The following CENPF variants were observed in gnomAD, a reference collection of about 807,000 sequenced individuals.
The protein encoded by CENPF is centromere protein F.
A neutral mutation model predicts 307.3 loss-of-function variants in CENPF; 214 were observed. That is an observed-to-expected ratio of 0.70 (90% confidence interval 0.62 to 0.78). CENPF has a LOEUF of 0.78. Ranked by LOEUF, CENPF falls within the 30% of genes least tolerant of loss-of-function variation. CENPF has a pLI of 0.00. For synonymous variants in CENPF, 1,259 were observed against 1,270.6 expected (o/e 0.99, Z 0.19); for missense variants, 3,401 against 3,483.9 (o/e 0.98, Z 0.60).
chr1:214,628,905 A>G (rs775891406), intron 7 of CENPF, 141 bp from the exon 8 acceptor site: 6 of 563,244 alleles, frequency 1.1e-5, no homozygotes, highest in African/African-American at 2.0e-5. Context: ...TAAGTGGGCT[A>G]ATGCTTTACA....
chr1:214,636,588 T>A (rs917723328), intron 10 of CENPF, among the ~76,000 whole-genome samples: 4 of 152,188 alleles, frequency 2.6e-5, no homozygotes, highest in African/African-American at 9.7e-5. Context: ...AGCCAGATTC[T>A]CCCTCTTCTT....
chr1:214,608,307 C>T lies in CENPF; in HGVS notation c.-42+4986C>T, dbSNP rs573533537. ...CCAGGCTGAGCTGCCCCCAGGGTTG[C>T]CCTCACCTGGTGCGCAGGGCCTGCC... On this transcript the variant is annotated intron_variant, in intron 1 of 19. Coordinates refer to ENST00000366955, the MANE Select transcript of CENPF (RefSeq NM_016343.4). 3.2e-6 allele frequency: 5 copies of T among 1,584,538 alleles called. No homozygotes were observed. In the East Asian group the frequency reaches 9.1e-5, roughly 29 times the overall value.
chr1:214,629,866 T>A (rs373094750), intron 8 of CENPF, among the ~76,000 whole-genome samples: 2 of 152,196 alleles, frequency 1.3e-5, no homozygotes, highest in Non-Finnish European at 2.9e-5. Context: ...CCAGTTGTTT[T>A]TAAACCTGTG....
At chr1:214,623,851 G>GTAATATAGA (rs1392994715) in intron 7 of CENPF, among the ~76,000 whole-genome samples, 1 of 152,102 alleles carries the variant, frequency 6.6e-6, no homozygotes, top group Non-Finnish European at 1.5e-5. Flanking sequence ...AGATAGTATG[G>GTAATATAGA]TATATGGTAA....
chr1:214,648,432 C>T, intron 13 of CENPF: 1 of 657,058 alleles, frequency 1.5e-6, no homozygotes, highest in Non-Finnish European at 2.8e-6. Context: ...GGGATATTAT[C>T]TTTCCTTGTC....
At position 214,639,956 on chromosome 1, in the gene CENPF, C is replaced by G. The variant is rs747618348; in HGVS notation, c.1618C>G (p.Leu540Val). 3.8e-5 allele frequency: 59 copies of G among 1,559,090 alleles called. No homozygotes were observed. The highest frequency in any genetic ancestry group is 5.1e-5 in the Non-Finnish European group (59 of 1,162,672). Reference protein sequence around the residue: ...NTSQETMLRDLQEKINQQENS... With the variant: ...NTSQETMLRDVQEKINQQENS... The stretch of plus-strand genomic sequence containing the variant: ...CTCTCAGGAAACCATGTTAAGAGAT[C>G]TTCAAGAAAAAATAAATCAGCAAGA... Residue 540 changes from leucine to valine, a missense_variant, in exon 12 of 20, where the codon CTT (leucine) becomes GTT (valine). By Grantham distance (32) the Leu-to-Val change is conservative (BLOSUM62 1). Transcript: ENST00000366955.
At chr1:214,661,110 C>T (rs1658776947) in intron 19 of CENPF, among the ~76,000 whole-genome samples, 1 of 152,230 alleles carries the variant, frequency 6.6e-6, no homozygotes, top group Non-Finnish European at 1.5e-5. Context: ...GCTCTCCTCA[C>T]TGCTGTTGAA....
At chr1:214,663,417 T>G (rs1217734673) in intron 19 of CENPF, among the ~76,000 whole-genome samples, 174 bp from the exon 20 acceptor site, 3 of 152,172 alleles carry the variant, frequency 2.0e-5, no homozygotes, top group Non-Finnish European at 4.4e-5. Context: ...CCTGGTATCC[T>G]CCTAAGTTCT....
At chr1:214,603,524 G>T (rs1325804546) in intron 1 of CENPF, 1 of 152,244 alleles carries the variant, frequency 6.6e-6, no homozygotes, top group Non-Finnish European at 1.5e-5. Context: ...GGTTCGTAGG[G>T]GTGTCTGCGC....
intron 16 of CENPF, chr1:214,653,812 ATAAT>A (rs1658555517): frequency 6.6e-6 from 1 of 152,224 alleles, no homozygotes; most frequent in Admixed American, 6.5e-5. Context: ...CAAAATCACA[ATAAT>A]TAATAATGTT....
chr1:214,656,992 A>G lies in CENPF; in HGVS notation c.8545A>G (p.Thr2849Ala), dbSNP rs1484372878. The G allele has an allele frequency of 6.2e-7, 1 of 1,613,604 alleles. No homozygotes were observed. Among genetic ancestry groups the G allele is most frequent in the Non-Finnish European group, 8.5e-7 (1 of 1,179,926 alleles). ...AACTGAGATCAAAGAACTGAAAGAA[A>G]CTCTTGAAGAAAAAACCAAGGAGGC... ...LTTEIKELKE[T>A]LEEKTKEADE... The change falls in exon 18 of 20, where the codon ACT (threonine) becomes GCT (alanine). Residue 2849 changes from threonine (T) to alanine (A), a missense_variant. By Grantham distance (58) the Thr-to-Ala change is moderately conservative. Transcript: ENST00000366955.
chr1:214,641,267 G>T lies in CENPF; in HGVS notation c.2929G>T (p.Gly977Trp). 6.2e-7 allele frequency: 1 copy of T among 1,602,294 alleles called. No individual in the cohort carries two copies. The highest frequency in any genetic ancestry group is 1.1e-5 in the South Asian group (1 of 87,864). Residue 977 changes from glycine to tryptophan, a missense_variant, in exon 12 of 20, where the codon GGG becomes TGG. Coordinates refer to ENST00000366955, the MANE Select transcript of CENPF (RefSeq NM_016343.4). The part of the protein sequence containing the change: ...REIEELTQEN[G>W]TLKEINASLN... ...AATTGAAGAGCTGACCCAAGAGAAT[G>T]GGACTCTTAAGGAAATTAATGCATC...
chr1:214,655,462 A>G lies in CENPF; in HGVS notation c.8485+59A>G, dbSNP rs998762758. On this transcript the variant is annotated intron_variant, in intron 17 of 19. Transcript: ENST00000366955. ...AACTCTTTTCCAGTAGTGAAATAAC[A>G]TATGGTATGCGTGCATAGGAACTAT... is the stretch of plus-strand genomic sequence containing the variant. 42 of 1,443,530 alleles carry G rather than the reference A, an allele frequency of 2.9e-5. No individual in the cohort carries two copies. Among genetic ancestry groups the G allele is most frequent in the Non-Finnish European group, 3.7e-5 (40 of 1,076,242 alleles). The allele number at this position is 1,443,530 out of a possible 1,614,324, so 89.4% of individuals were successfully genotyped here.
At chr1:214,628,001 A>G (rs1201892451) in intron 7 of CENPF, among the ~76,000 whole-genome samples, 3 of 152,186 alleles carry the variant, frequency 2.0e-5, no homozygotes, top group Admixed American at 6.5e-5. Context: ...TCATGGAGAA[A>G]CAGAGTGTTG....
rs757898970 is a variant in CENPF at position 214,641,487 on chromosome 1, A to G, written c.3149A>G (p.Asn1050Ser). 2.6e-6 allele frequency: 4 copies of G among 1,525,818 alleles called. No individual in the cohort carries two copies. The highest frequency in any genetic ancestry group is 3.5e-6 in the Non-Finnish European group (4 of 1,144,486). The allele number at this position is 1,525,818 out of a possible 1,614,324, so 94.5% of individuals were successfully genotyped here. A position where few individuals can be genotyped will look rare whatever the true frequency, so the allele number is the denominator to read the frequency against. The change falls in exon 12 of 20, where the codon AAT (asparagine) becomes AGT (serine). Residue 1050 changes from asparagine to serine, a missense_variant. Asn to Ser is a conservative substitution (Grantham distance 46, BLOSUM62 1). Coordinates refer to ENST00000366955, the MANE Select transcript of CENPF (RefSeq NM_016343.4). Reference protein sequence around the residue: ...SQKYKAAQEKNSKLECLLNEC... With the variant: ...SQKYKAAQEKSSKLECLLNEC... The stretch of plus-strand genomic sequence containing the variant: ...AAATACAAAGCAGCACAGGAAAAGA[A>G]TTCTAAATTAGAATGCTTGCTAAAT...
In CENPF at chr1:214,640,230, C is replaced by T. The variant is rs2102557805; in HGVS notation, c.1892C>T (p.Thr631Ile). The change falls in exon 12 of 20, where the codon ACT (threonine) becomes ATT (isoleucine). Residue 631 changes from threonine to isoleucine, a missense_variant. Physicochemically the swap from Thr to Ile is moderately conservative, Grantham distance 89. Transcript: ENST00000366955. ...AAAAGTGAAAACGAAAAACTTTTAA[C>T]TCAGATGGAATCAGAAAAGGAAAAC... The part of the protein sequence containing the change: ...CWKSENEKLL[T>I]QMESEKENLQ... The T allele has an allele frequency of 1.2e-6, 2 of 1,610,416 alleles. No homozygotes were observed. The highest frequency in any genetic ancestry group is 1.7e-6 in the Non-Finnish European group (2 of 1,179,222).
intron 1 of CENPF, chr1:214,613,382 C>A: frequency 4.9e-6 from 1 of 204,458 alleles, no homozygotes; most frequent in South Asian, 8.8e-5. Context: ...ACTCCTGATC[C>A]TGTGGTGACT....
intron 1 of CENPF, chr1:214,608,892 G>T (rs1470466274): frequency 1.4e-6 from 2 of 1,391,020 alleles, no homozygotes; most frequent in Non-Finnish European, 9.3e-7. Context: ...CAACAACGCC[G>T]CCCGGCCTGG....
chr1:214,623,254 TC>T (rs1406046969), intron 7 of CENPF, among the ~76,000 whole-genome samples: 1 of 152,216 alleles, frequency 6.6e-6, no homozygotes, highest in Non-Finnish European at 1.5e-5. Context: ...GACCTTTTTT[TC>T]CTTGTCATTA....
Sources: allele counts gnomAD v4.1 joint callset (sites outside exome capture counted in the v4.1 genomes callset), GRCh38; gene constraint gnomAD v4.1.1; transcripts MANE v1.5; gene names NCBI Gene and HGNC (gene_info 2026-07-23, HGNC 2026-07-21).